CSMD1: variants seen among roughly 807,000 people sequenced by gnomAD.
CSMD1 encodes the protein CUB and sushi domain-containing protein 1.
Under a neutral mutation model 417.5 loss-of-function variants are expected in CSMD1, and 213 were observed. The ratio of observed to expected loss-of-function variants is 0.51; its 90% confidence interval spans 0.46 to 0.57. The LOEUF is 0.57. CSMD1 is among the 20% of genes least tolerant of loss of function. The pLI is 0.00. For missense variants in CSMD1, 6,923 were observed against 4,529.7 expected, an observed-to-expected ratio of 1.53 and a Z score of -15.17; for synonymous variants, 2,862 against 1,736.8, an observed-to-expected ratio of 1.65 and a Z score of -16.11.
chr8:4,921,576 A>C (rs1316975196), intron 1 of CSMD1, among the ~76,000 whole-genome samples: 1 of 152,218 alleles, frequency 6.6e-6, no homozygotes, highest in Admixed American at 6.5e-5. Context: ...GATGCTTATT[A>C]ACATACAATG....
At chr8:3,414,629 T>C (rs942161109) in intron 12 of CSMD1, among the ~76,000 whole-genome samples, 2 of 152,176 alleles carry the variant, frequency 1.3e-5, no homozygotes, top group African/African-American at 2.4e-5. Flanking sequence ...TGACCAACTT[T>C]GTTCTTAGTC....
intron 1 of CSMD1, among the ~76,000 whole-genome samples, chr8:4,804,110 C>G (rs553416127): frequency 6.6e-6 from 1 of 152,214 alleles, no homozygotes; most frequent in Non-Finnish European, 1.5e-5. Context: ...AAATTATTTC[C>G]ACAATAACGA....
chr8:3,372,369 C>A (rs756609125), intron 18 of CSMD1, among the ~76,000 whole-genome samples: 3 of 152,064 alleles, frequency 2.0e-5, no homozygotes, highest in African/African-American at 7.2e-5. Context: ...TGATGGGGCA[C>A]TGGATGGCCC....
At chr8:4,309,556 A>G (rs1316662505) in intron 3 of CSMD1, among the ~76,000 whole-genome samples, 1 of 152,172 alleles carries the variant, frequency 6.6e-6, no homozygotes, top group Non-Finnish European at 1.5e-5. Context: ...ATAGGCTCAC[A>G]TCAAGCAGCC....
chr8:4,637,356 C>A lies in CSMD1; in HGVS notation c.288G>T (p.Gly96=). The A allele has an allele frequency of 6.2e-7, 1 of 1,613,318 alleles. No homozygotes were observed. Among genetic ancestry groups the A allele is most frequent in the South Asian group, 1.1e-5 (1 of 91,064 alleles). The change falls in exon 2 of 70, where the codon GGG becomes GGT. Residue 96 remains glycine (G), a synonymous_variant. Transcript: ENST00000635120. The stretch of plus-strand genomic sequence containing the variant: ...TGATACCTTACCTCACTTTTAAATT[C>A]CCTTGTTGAGGCTGTCCATCGTAAA... ...LSVYDGQPQQ[G]NLKVRLSGFQ...
At chr8:3,931,054 C>T (rs561918343) in intron 5 of CSMD1, among the ~76,000 whole-genome samples, 2 of 150,394 alleles carry the variant, frequency 1.3e-5, no homozygotes, top group East Asian at 1.9e-4. Flanking sequence ...GCGGTATGAT[C>T]GCTGAGATAA....
chr8:4,215,778 G>A (rs896589371), intron 3 of CSMD1, among the ~76,000 whole-genome samples: 6 of 151,928 alleles, frequency 3.9e-5, no homozygotes, highest in South Asian at 2.1e-4. Flanking sequence ...TTGTTTTCTT[G>A]GTGGAATATC....
In CSMD1 at chr8:3,700,285, G is replaced by C. The variant is rs146625873; in HGVS notation, c.1009+8129C>G. Among the ~76,000 whole-genome samples, 1,070 of 152,192 alleles carry C rather than the reference G, an allele frequency of 7.0e-3. 14 individuals carry two copies. The highest frequency in any genetic ancestry group is 0.021 in the African/African-American group (886 of 41,514). ...ATACGAAAAATAATTTTTTACAAAAGAAAATATACCTGCCCTCATGTAGTT... is the reference window on the plus strand; with the variant it reads ...ATACGAAAAATAATTTTTTACAAAACAAAATATACCTGCCCTCATGTAGTT... On this transcript the variant is annotated intron_variant, in intron 7 of 69. Coordinates refer to ENST00000635120, the MANE Select transcript of CSMD1 (RefSeq NM_033225.6).
At chr8:2,944,289 G>C (rs534176204) in intron 68 of CSMD1, among the ~76,000 whole-genome samples, 2 of 152,296 alleles carry the variant, frequency 1.3e-5, no homozygotes, top group East Asian at 3.9e-4. Flanking sequence ...TTTAAAATTT[G>C]TTCCATGGCT....
At chr8:4,557,119 C>G (rs1798129198) in intron 2 of CSMD1, among the ~76,000 whole-genome samples, 1 of 152,098 alleles carries the variant, frequency 6.6e-6, no homozygotes, top group Non-Finnish European at 1.5e-5. Context: ...CTGCCATATC[C>G]TGGGTGATTT....
intron 3 of CSMD1, among the ~76,000 whole-genome samples, chr8:4,341,057 G>A (rs547149675): frequency 5.9e-5 from 9 of 151,994 alleles, no homozygotes; most frequent in South Asian, 2.1e-4. Flanking sequence ...CTAAATCAAC[G>A]TAAAAGGTAA....
chr8:3,879,912 G>A (rs572643891), intron 5 of CSMD1, among the ~76,000 whole-genome samples: 4 of 152,104 alleles, frequency 2.6e-5, no homozygotes, highest in Admixed American at 6.6e-5. Flanking sequence ...CCCCTATAAC[G>A]AAATAGTGCT....
At chr8:3,106,360 T>C (rs754519671) in intron 46 of CSMD1, among the ~76,000 whole-genome samples, 168 bp downstream of exon 46, 8 of 152,148 alleles carry the variant, frequency 5.3e-5, no homozygotes, top group South Asian at 2.1e-4. Context: ...ATTGCACCAC[T>C]GTACTCCCAC....
rs114921149 is a variant in CSMD1 at position 4,253,891 on chromosome 8, C to T, written c.415+166062G>A. Among the ~76,000 whole-genome samples the T allele has an allele frequency of 3.6e-3, 493 of 138,098 alleles. 2 individuals are homozygous for T. Among genetic ancestry groups the T allele is most frequent in the African/African-American group, 0.012 (466 of 38,138 alleles). 90.6% of individuals were successfully genotyped at this position (138,098 alleles called of 152,430 possible). A position where few individuals can be genotyped will look rare whatever the true frequency, so the allele number is the denominator to read the frequency against. ...CTTATCTACAAAGAGACACTACGTT[C>T]GTTATTTCCTTCCATCTTTTTTTTT... On this transcript the variant is annotated intron_variant, in intron 3 of 69. Coordinates refer to ENST00000635120, the MANE Select transcript of CSMD1 (RefSeq NM_033225.6).
chr8:4,977,573 C>G (rs1325809070), intron 1 of CSMD1, among the ~76,000 whole-genome samples: 1 of 152,176 alleles, frequency 6.6e-6, no homozygotes, highest in Admixed American at 6.5e-5. Context: ...CTCCAGCCCG[C>G]CTTTGGGTGG....
chr8:4,460,368 C>T lies in CSMD1; in HGVS notation c.303-40303G>A, dbSNP rs192599566. ...GAGGGAAATTTAGAGTAGTAAATAACTATATTTAAAAAGAAAAAATCTTAC... is the reference window on the plus strand; with the variant it reads ...GAGGGAAATTTAGAGTAGTAAATAATTATATTTAAAAAGAAAAAATCTTAC... On this transcript the variant is annotated intron_variant, in intron 2 of 69. Coordinates refer to ENST00000635120, the MANE Select transcript of CSMD1 (RefSeq NM_033225.6). Among the ~76,000 whole-genome samples, 6 of 152,112 alleles carry T rather than the reference C, an allele frequency of 3.9e-5. No homozygotes were observed. In the East Asian group the frequency reaches 9.7e-4, roughly 24 times the overall value.
chr8:4,680,975 T>TGA (rs59872965), intron 1 of CSMD1, among the ~76,000 whole-genome samples: 1,622 of 136,704 alleles, frequency 0.012, 12 homozygotes, highest in Middle Eastern at 0.058. Context: ...TGTGTGTGTG[T>TGA]GAGAGAGAGA....
chr8:3,031,543 GTTCT>G (rs1209319159), intron 50 of CSMD1, among the ~76,000 whole-genome samples: 3 of 152,030 alleles, frequency 2.0e-5, no homozygotes, highest in Middle Eastern at 3.4e-3. Flanking sequence ...ACTCAACTTT[GTTCT>G]TTCTTTCTTT....
chr8:4,240,073 C>G (rs905665140), intron 3 of CSMD1, among the ~76,000 whole-genome samples: 3 of 152,178 alleles, frequency 2.0e-5, no homozygotes, highest in African/African-American at 7.2e-5. Flanking sequence ...CTCAATTAAG[C>G]TTTAAATAAA....
Sources: allele counts gnomAD v4.1 joint callset (sites outside exome capture counted in the v4.1 genomes callset), GRCh38; gene constraint gnomAD v4.1.1; transcripts MANE v1.5; gene names NCBI Gene and HGNC (gene_info 2026-07-23, HGNC 2026-07-21).